The following TLN2 variants were observed in gnomAD, a reference collection of about 807,000 sequenced individuals.
TLN2 encodes the protein talin 2.
In TLN2, 118 loss-of-function variants were observed where a neutral mutation model predicts 294.7. That is an observed-to-expected ratio of 0.40 (90% CI 0.34 to 0.47). The LOEUF is 0.47. TLN2 is among the 20% of genes least tolerant of loss of function. TLN2 has a pLI of 0.84. For synonymous variants in TLN2, 1,431 were observed against 1,304.5 expected (o/e 1.10, Z -2.09); for missense variants, 3,083 against 3,282.2 (o/e 0.94, Z 1.48).
chr15:62,471,284 G>T (rs1483473822), intron 1 of TLN2, among the ~76,000 whole-genome samples: 1 of 152,214 alleles, frequency 6.6e-6, no homozygotes, highest in East Asian at 1.9e-4. Context: ...GGTCGAGGCT[G>T]CAGTGAGCCG....
intron 4 of TLN2, among the ~76,000 whole-genome samples, chr15:62,648,288 G>T (rs559641244): frequency 6.6e-6 from 1 of 151,484 alleles, no homozygotes; most frequent in South Asian, 2.1e-4. Flanking sequence ...GAGTGTCGTG[G>T]TATGTGCCTG....
At chr15:62,399,751 G>A (rs989827272) in intron 1 of TLN2, among the ~76,000 whole-genome samples, 1 of 152,212 alleles carries the variant, frequency 6.6e-6, no homozygotes, top group Non-Finnish European at 1.5e-5. Context: ...TTTGGAATGA[G>A]TGTATTTAGG....
intron 22 of TLN2, among the ~76,000 whole-genome samples, chr15:62,714,821 A>G (rs745752306): frequency 2.6e-5 from 4 of 152,110 alleles, no homozygotes; most frequent in Non-Finnish European, 5.9e-5. Context: ...AGTACCCCAT[A>G]TCTGATACAT....
intron 1 of TLN2, among the ~76,000 whole-genome samples, chr15:62,426,888 A>G (rs1566962612): frequency 6.6e-6 from 1 of 152,330 alleles, no homozygotes; most frequent in East Asian, 1.9e-4. Context: ...TGCTTGTTAA[A>G]ATGGCAGATT....
At chr15:62,839,100 G>A (rs1467764033) in intron 58 of TLN2, 119 bp downstream of exon 58, 1 of 1,360,770 alleles carries the variant, frequency 7.3e-7, no homozygotes. Context: ...ACCAGAGATG[G>A]TGTGGTGTTT....
chr15:62,791,691 C>T (rs2065087135), intron 45 of TLN2, among the ~76,000 whole-genome samples: 1 of 152,196 alleles, frequency 6.6e-6, no homozygotes, highest in South Asian at 2.1e-4. Context: ...AAAGCCATAG[C>T]TTCTAGCTCT....
intron 37 of TLN2, among the ~76,000 whole-genome samples, chr15:62,759,208 G>C (rs985374029): frequency 6.6e-6 from 1 of 152,210 alleles, no homozygotes; most frequent in African/African-American, 2.4e-5. Context: ...TGGCTCTGCT[G>C]TGCCCAATGG....
Position 62,831,644 on chromosome 15 carries a change from T to G in TLN2, c.7003-1860T>G, listed in dbSNP as rs114436763. ...TGAGTCCAGTAGAACTAAATTCATG[T>G]CTGTCCTGAATACTCTTAGAGCAAG... is the stretch of plus-strand genomic sequence containing the variant. On this transcript the variant is annotated intron_variant, in intron 54 of 58. Coordinates refer to ENST00000636159, the MANE Select transcript of TLN2 (RefSeq NM_015059.3). 294 of 152,292 alleles carry G rather than the reference T, an allele frequency of 1.9e-3. 4 individuals are homozygous for G. Among genetic ancestry groups the G allele is most frequent in the African/African-American group, 6.4e-3 (267 of 41,548 alleles). 9.4% of individuals were successfully genotyped at this position (152,292 alleles called of 1,614,324 possible).
chr15:62,647,793 C>A (rs887589092), intron 4 of TLN2, among the ~76,000 whole-genome samples: 1 of 152,264 alleles, frequency 6.6e-6, no homozygotes, highest in South Asian at 2.1e-4. Context: ...TGTCCTAAAC[C>A]CTGTTTCCCA....
chr15:62,447,907 C>T (rs2035909946), intron 1 of TLN2, among the ~76,000 whole-genome samples: 1 of 152,190 alleles, frequency 6.6e-6, no homozygotes, highest in South Asian at 2.1e-4. Context: ...CGTAGGCTTG[C>T]TCAGTCTGAC....
chr15:62,535,137 C>T (rs962162293), intron 1 of TLN2, among the ~76,000 whole-genome samples: 1 of 152,128 alleles, frequency 6.6e-6, no homozygotes, highest in African/African-American at 2.4e-5. Flanking sequence ...TGTTTGGGAG[C>T]CACATTCCTT....
chr15:62,722,316 C>T, intron 25 of TLN2, 37 bp from the exon 26 acceptor site: 1 of 1,584,270 alleles, frequency 6.3e-7, no homozygotes, highest in Non-Finnish European at 8.6e-7. Context: ...CTCTTGCTGC[C>T]CAGGAGCCAT....
At position 62,663,820 on chromosome 15, in the gene TLN2, A is replaced by G. The variant is rs564714139; in HGVS notation, c.788+5922A>G. The stretch of plus-strand genomic sequence containing the variant: ...GTTATTGCTATGTTAATGGGTAGGA[A>G]GACTTGTATCAGGTAAAGTACTTCT... On this transcript the variant is annotated intron_variant, in intron 9 of 58. Coordinates refer to ENST00000636159, the MANE Select transcript of TLN2 (RefSeq NM_015059.3). Among the ~76,000 whole-genome samples, 137 of 152,148 alleles carry G rather than the reference A, an allele frequency of 9.0e-4. 3 individuals are homozygous for G. Among genetic ancestry groups the G allele is most frequent in the African/African-American group, 3.2e-3 (133 of 41,434 alleles).
chr15:62,677,693 TTCC>T (rs2056371264), intron 11 of TLN2, among the ~76,000 whole-genome samples: 1 of 151,510 alleles, frequency 6.6e-6, no homozygotes, highest in South Asian at 2.1e-4. Flanking sequence ...TCCTTCCTCC[TTCC>T]TTCTCTCTCC....
chr15:62,448,205 T>G (rs868707147), intron 1 of TLN2, among the ~76,000 whole-genome samples: 1 of 152,206 alleles, frequency 6.6e-6, no homozygotes, highest in Admixed American at 6.5e-5. Context: ...GGGGAAGGCT[T>G]GGGTGATCTA....
At chr15:62,519,109 A>G (rs986321704) in intron 1 of TLN2, among the ~76,000 whole-genome samples, 1 of 152,180 alleles carries the variant, frequency 6.6e-6, no homozygotes, top group Non-Finnish European at 1.5e-5. Context: ...AGGGTCATAG[A>G]CCTCTATGTT....
chr15:62,805,342 C>G lies in TLN2; in HGVS notation c.6478-258C>G, dbSNP rs934784661. 3.3e-5 allele frequency among the ~76,000 whole-genome samples: 5 copies of G among 151,774 alleles called. No individual in the cohort carries two copies. The South Asian group carries it at 1.0e-3, about 32-fold the overall frequency. ...TTGGGTGTCAGTTTCTGCAGACCAA[C>G]AGGTTAACACTCTAGATACGTCTCC... On this transcript the variant is annotated intron_variant, in intron 50 of 58. Coordinates refer to ENST00000636159, the MANE Select transcript of TLN2 (RefSeq NM_015059.3).
rs1045241246 is a variant in TLN2, at chr15:62,786,292, T to A, written c.5736+2402T>A. Among the ~76,000 whole-genome samples, 11 of 152,310 alleles carry A rather than the reference T, an allele frequency of 7.2e-5. No individual in the cohort carries two copies. In the South Asian group the frequency reaches 1.7e-3, roughly 23 times the overall value. The stretch of plus-strand genomic sequence containing the variant: ...TAAGGAGCTGCTCCCTTCGCTGCAG[T>A]CCCGCAGTCCGCTATGCAAGGTCAG... On this transcript the variant is annotated intron_variant, in intron 45 of 58. Transcript: ENST00000636159.
chr15:62,618,994 C>T (rs1412442085), intron 3 of TLN2, among the ~76,000 whole-genome samples: 1 of 152,178 alleles, frequency 6.6e-6, no homozygotes, highest in African/African-American at 2.4e-5. Context: ...AGCTGGAAAG[C>T]AAATCAGCAT....
Sources: allele counts gnomAD v4.1 joint callset (sites outside exome capture counted in the v4.1 genomes callset), GRCh38; gene constraint gnomAD v4.1.1; transcripts MANE v1.5; gene names NCBI Gene and HGNC (gene_info 2026-07-23, HGNC 2026-07-21).